CPS1: variants seen among roughly 807,000 people sequenced by gnomAD.
The protein encoded by CPS1 is carbamoyl-phosphate synthase 1.
CPS1 carries 109 observed loss-of-function variants against 174.6 expected under a neutral mutation model. The observed-to-expected ratio is 0.62, with a 90% CI of 0.53 to 0.73. The LOEUF (loss-of-function observed/expected upper bound fraction) is 0.73, where lower values mean the gene tolerates loss of function less well. Ranked by LOEUF, CPS1 falls within the 30% of genes least tolerant of loss-of-function variation. The pLI, the probability that CPS1 is intolerant of heterozygous loss-of-function variation, is 0.00. For missense variants in CPS1, 1,689 were observed against 1,821.9 expected (o/e 0.93, Z 1.33); for synonymous variants, 637 against 632.0 (o/e 1.01, Z -0.12).
At chr2:210,595,668 C>A (rs1189494110) in intron 13 of CPS1, 86 bp downstream of exon 13, 9 of 923,346 alleles carry the variant, frequency 9.7e-6, no homozygotes, top group Non-Finnish European at 1.6e-5. Flanking sequence ...TATGACACTA[C>A]CTCTTTTCAA....
rs1433915902 is a variant in CPS1 at position 210,677,121 on chromosome 2, C to A, written c.4389C>A (p.Leu1463=). 4.3e-6 allele frequency: 7 copies of A among 1,613,724 alleles called. No homozygotes were observed. Among genetic ancestry groups the A allele is most frequent in the Non-Finnish European group, 5.9e-6 (7 of 1,179,762 alleles). ...RRTAVDSGIP[L]LTNFQVTKLF... ...CAGCTGTTGATAGTGGAATCCCTCT[C>A]CTCACTAATTTTCAGGTATAGTCTT... The change falls in exon 37 of 38, where the codon CTC becomes CTA. Residue 1463 remains leucine, a synonymous_variant. Transcript: ENST00000233072.
chr2:210,602,464 AT>A (rs1196855952), intron 16 of CPS1, 134 bp downstream of exon 16: 4 of 1,145,036 alleles, frequency 3.5e-6, no homozygotes, highest in Non-Finnish European at 5.1e-6. Context: ...CCAAAAGCGT[AT>A]TCCAAAAGAT....
At chr2:210,612,562 C>T (rs184688107) in intron 20 of CPS1, among the ~76,000 whole-genome samples, 1 of 151,708 alleles carries the variant, frequency 6.6e-6, no homozygotes, top group African/African-American at 2.4e-5. Flanking sequence ...ATAAAATGTC[C>T]CCCTTTTTAA....
chr2:210,598,619 G>A (rs1698588192), intron 13 of CPS1, among the ~76,000 whole-genome samples: 1 of 151,710 alleles, frequency 6.6e-6, no homozygotes, highest in Non-Finnish European at 1.5e-5. Context: ...GACAAAGAAG[G>A]GCATTATGTA....
chr2:210,544,125 TG>T (rs1696502784), intron 1 of CPS1, among the ~76,000 whole-genome samples: 1 of 152,082 alleles, frequency 6.6e-6, no homozygotes, highest in South Asian at 2.1e-4. Flanking sequence ...GAGGATAGAA[TG>T]AGGTTATGAC....
intron 5 of CPS1, among the ~76,000 whole-genome samples, chr2:210,580,273 A>T (rs1483621561): frequency 1.3e-5 from 2 of 152,114 alleles, no homozygotes; most frequent in Admixed American, 6.6e-5. Flanking sequence ...CCTTGCATGC[A>T]TTACTTCAAT....
At chr2:210,666,000 T>G (rs1293474581) in intron 33 of CPS1, among the ~76,000 whole-genome samples, 9 of 149,930 alleles carry the variant, frequency 6.0e-5, no homozygotes, top group Non-Finnish European at 1.5e-5. Flanking sequence ...GTTTCCTGAC[T>G]TTTTAATGAT....
chr2:210,536,960 A>G (rs1357422653), intron 1 of CPS1, among the ~76,000 whole-genome samples: 1 of 152,202 alleles, frequency 6.6e-6, no homozygotes, highest in Non-Finnish European at 1.5e-5. Context: ...TAGAAACATA[A>G]TCAGTTGAAA....
chr2:210,608,192 C>T (rs1293373038), intron 18 of CPS1, among the ~76,000 whole-genome samples, 169 bp from the exon 19 acceptor site: 2 of 151,800 alleles, frequency 1.3e-5, no homozygotes, highest in Admixed American at 6.6e-5. Context: ...TATCATGACT[C>T]CTATTATTCC....
intron 1 of CPS1, among the ~76,000 whole-genome samples, chr2:210,503,793 GA>G (rs1695208554): frequency 6.6e-6 from 1 of 151,740 alleles, no homozygotes; most frequent in Non-Finnish European, 1.5e-5. Context: ...AATCCAGGAA[GA>G]AAGAATTTTA....
intron 19 of CPS1, 47 bp from the exon 20 acceptor site, chr2:210,612,070 T>C: frequency 6.5e-7 from 1 of 1,540,524 alleles, no homozygotes; most frequent in Non-Finnish European, 9.0e-7. Flanking sequence ...AAATTAAAGA[T>C]ACATAAGCTC....
At chr2:210,605,009 G>A in intron 16 of CPS1, 93 bp from the exon 17 acceptor site, 1 of 1,410,796 alleles carries the variant, frequency 7.1e-7, no homozygotes. Context: ...GTTCAGTGCT[G>A]ACCAGGATTT....
chr2:210,498,600 G>C (rs992421378), intron 1 of CPS1, among the ~76,000 whole-genome samples: 6 of 152,160 alleles, frequency 3.9e-5, no homozygotes, highest in Non-Finnish European at 8.8e-5. Flanking sequence ...TCAGTGAAGA[G>C]AGACAGTTTG....
At chr2:210,524,857 C>G (rs1487908835) in intron 1 of CPS1, among the ~76,000 whole-genome samples, 1 of 151,954 alleles carries the variant, frequency 6.6e-6, no homozygotes, top group African/African-American at 2.4e-5. Flanking sequence ...AAACCTCCTT[C>G]AGTGTTTCTT....
rs1698935242 is a variant in CPS1 at position 210,606,935 on chromosome 2, C to T, written c.2186C>T (p.Ala729Val). 1.2e-6 allele frequency: 2 copies of T among 1,611,822 alleles called. No individual in the cohort carries two copies. The highest frequency in any genetic ancestry group is 1.7e-6 in the Non-Finnish European group (2 of 1,178,698). Residue 729 changes from alanine (A) to valine (V), a missense_variant, in exon 18 of 38, where the codon GCC (alanine) becomes GTC (valine). Ala to Val is a moderately conservative substitution (Grantham distance 64). Coordinates refer to ENST00000233072, the MANE Select transcript of CPS1 (RefSeq NM_001875.5). The part of the protein sequence containing the change: ...LSRSSALASK[A>V]TGYPLAFIAA... ...CGAAGCTCTGCTCTGGCCTCAAAAG[C>T]CACTGGGTAAGACCAGAATAATTGA...
intron 20 of CPS1, among the ~76,000 whole-genome samples, chr2:210,615,033 A>G (rs1699256999): frequency 6.6e-6 from 1 of 151,756 alleles, no homozygotes; most frequent in South Asian, 2.1e-4. Flanking sequence ...TAAAGTATAT[A>G]TATATATATA....
chr2:210,676,967 A>G, intron 36 of CPS1, 40 bp from the exon 37 acceptor site: 1 of 1,599,068 alleles, frequency 6.3e-7, no homozygotes, highest in South Asian at 1.1e-5. Context: ...TAACTATAAA[A>G]TATGCCTTGT....
At chr2:210,636,146 AATTGT>A (rs1423421585) in intron 21 of CPS1, among the ~76,000 whole-genome samples, 2 of 152,184 alleles carry the variant, frequency 1.3e-5, no homozygotes, top group Non-Finnish European at 2.9e-5. Flanking sequence ...ATTATAATTG[AATTGT>A]ATTGTATTAA....
rs150508691 is a variant in CPS1 at position 210,488,607 on chromosome 2, C to A, written c.3+10841C>A. On this transcript the variant is annotated intron_variant, in intron 1 of 38. Transcript: ENST00000430249. The stretch of plus-strand genomic sequence containing the variant: ...GTTTTGTGTATATAGGTACCATTGC[C>A]TTCAGAGATTAAGGGCGCACATTGT... Among the ~76,000 whole-genome samples, 111 of 152,266 alleles carry A rather than the reference C, an allele frequency of 7.3e-4. No homozygotes were observed. The Middle Eastern group carries it at 0.024, about 33-fold the overall frequency.
Sources: allele counts gnomAD v4.1 joint callset (sites outside exome capture counted in the v4.1 genomes callset), GRCh38; gene constraint gnomAD v4.1.1; transcripts MANE v1.5; gene names NCBI Gene and HGNC (gene_info 2026-07-23, HGNC 2026-07-21).